The following ZDHHC14 variants were observed in gnomAD, a reference collection of about 807,000 sequenced individuals.
ZDHHC14 encodes the protein palmitoyltransferase ZDHHC14.
ZDHHC14 carries 16 observed loss-of-function variants against 47.7 expected under a neutral mutation model. The ratio of observed to expected loss-of-function variants is 0.34; its 90% CI spans 0.23 to 0.51. The LOEUF (loss-of-function observed/expected upper bound fraction) is 0.51, where lower values mean the gene tolerates loss of function less well. Among genes scored for constraint, ZDHHC14 ranks in the 20% least tolerant of loss-of-function variants. The probability of loss-of-function intolerance (pLI) is 0.97; values close to 1 mark genes in which losing one functional copy is unlikely to be tolerated. For synonymous variants in ZDHHC14, 293 were observed against 278.9 expected (o/e 1.05, Z -0.50); for missense variants, 515 against 662.5 (o/e 0.78, Z 2.44).
rs1426706954 is a variant in ZDHHC14 at position 157,502,127 on chromosome 6, T to G, written c.246-40458T>G. 1.3e-5 allele frequency among the ~76,000 whole-genome samples: 2 copies of G among 152,234 alleles called. No individual in the cohort carries two copies. The highest frequency in any genetic ancestry group is 2.9e-5 in the Non-Finnish European group (2 of 68,044). ...TTAATTGAATCTCAGAGACAGTAGA[T>G]GTCTTTCTCAGGGCCCACAGGAGTA... On this transcript the variant is annotated intron_variant, in intron 1 of 8. Transcript: ENST00000359775. The surrounding 1 kb of genome is among the most constrained non-coding windows in gnomAD (Gnocchi z 4.0).
intron 3 of ZDHHC14, among the ~76,000 whole-genome samples, chr6:157,616,740 G>A (rs922628671): frequency 6.6e-6 from 1 of 152,192 alleles, no homozygotes; most frequent in Non-Finnish European, 1.5e-5. Context: ...TCCGGGTGCA[G>A]GGACAGTGTG....
intron 2 of ZDHHC14, among the ~76,000 whole-genome samples, chr6:157,587,289 C>T (rs764414936): frequency 3.3e-4 from 50 of 152,212 alleles, no homozygotes; most frequent in Admixed American, 7.2e-4. Flanking sequence ...CTGACCTTAT[C>T]TTTGATGGAT....
At chr6:157,575,987 T>A (rs1178057275) in intron 2 of ZDHHC14, among the ~76,000 whole-genome samples, 1 of 152,188 alleles carries the variant, frequency 6.6e-6, no homozygotes, top group Non-Finnish European at 1.5e-5. Flanking sequence ...AACCCTTCCA[T>A]GTTCCTCGCT....
intron 2 of ZDHHC14, among the ~76,000 whole-genome samples, chr6:157,580,370 C>A (rs1783468022): frequency 6.6e-6 from 1 of 151,906 alleles, no homozygotes; most frequent in African/African-American, 2.4e-5. Flanking sequence ...TTTTTTGTTG[C>A]ATCTCTGCCT....
intron 2 of ZDHHC14, among the ~76,000 whole-genome samples, chr6:157,561,089 G>A (rs149098170): frequency 6.6e-6 from 1 of 152,218 alleles, no homozygotes; most frequent in Admixed American, 6.5e-5. Context: ...CAGAGCGTGG[G>A]GGTGTTAGCT....
At chr6:157,410,631 C>T (rs996771907) in intron 1 of ZDHHC14, among the ~76,000 whole-genome samples, 1 of 152,182 alleles carries the variant, frequency 6.6e-6, no homozygotes, top group African/African-American at 2.4e-5. Flanking sequence ...AAGGTTGTGG[C>T]AGATGAAGGA....
intron 1 of ZDHHC14, among the ~76,000 whole-genome samples, chr6:157,520,651 A>C (rs1456348078): frequency 6.6e-6 from 1 of 152,234 alleles, no homozygotes; most frequent in Non-Finnish European, 1.5e-5. Flanking sequence ...CTTCTTAATG[A>C]ATGTATAAAT....
chr6:157,480,009 C>T (rs771654965), intron 1 of ZDHHC14, among the ~76,000 whole-genome samples: 11 of 152,120 alleles, frequency 7.2e-5, no homozygotes, highest in Non-Finnish European at 1.6e-4. Flanking sequence ...GCTTGGTTTG[C>T]AGGCACATTG....
At chr6:157,570,597 A>G (rs1157272509) in intron 2 of ZDHHC14, among the ~76,000 whole-genome samples, 1 of 152,224 alleles carries the variant, frequency 6.6e-6, no homozygotes, top group Non-Finnish European at 1.5e-5. Context: ...CCATGTGGAA[A>G]AAAATAGTAT....
At chr6:157,413,658 G>A (rs1777915090) in intron 1 of ZDHHC14, among the ~76,000 whole-genome samples, 1 of 150,990 alleles carries the variant, frequency 6.6e-6, no homozygotes, top group Admixed American at 6.6e-5. Flanking sequence ...GGCTGGATGT[G>A]TGGGAGCTTT....
At chr6:157,533,377 C>T (rs1371414114) in intron 1 of ZDHHC14, among the ~76,000 whole-genome samples, 11 of 152,144 alleles carry the variant, frequency 7.2e-5, no homozygotes, top group East Asian at 3.9e-4. Flanking sequence ...TTGGTGGAGA[C>T]GGGATGGCTG....
intron 2 of ZDHHC14, among the ~76,000 whole-genome samples, chr6:157,552,333 G>A (rs553548561): frequency 3.2e-4 from 48 of 152,124 alleles, no homozygotes; most frequent in African/African-American, 1.0e-3. Flanking sequence ...ATGCAGAGTC[G>A]GCAGGGCAGG....
intron 2 of ZDHHC14, 97 bp from the exon 3 acceptor site, chr6:157,592,891 G>A: frequency 6.7e-7 from 1 of 1,500,996 alleles, no homozygotes; most frequent in Non-Finnish European, 8.9e-7. Context: ...CAGCCGCTGT[G>A]CCTGCTGCCC....
At chr6:157,662,798 A>G (rs561376643) in intron 8 of ZDHHC14, among the ~76,000 whole-genome samples, 7 of 152,368 alleles carry the variant, frequency 4.6e-5, no homozygotes, top group African/African-American at 1.7e-4. Flanking sequence ...GCAAGTGCCT[A>G]TGCACTTTTC....
At chr6:157,642,071 TATC>T (rs1171446257) in intron 5 of ZDHHC14, among the ~76,000 whole-genome samples, 1 of 152,050 alleles carries the variant, frequency 6.6e-6, no homozygotes, top group East Asian at 1.9e-4. Flanking sequence ...GATAGATAGT[TATC>T]ATGTTGGAAA....
At chr6:157,599,153 A>C (rs1161430495) in intron 3 of ZDHHC14, among the ~76,000 whole-genome samples, 1 of 152,260 alleles carries the variant, frequency 6.6e-6, no homozygotes, top group Non-Finnish European at 1.5e-5. Context: ...TACATTTTAA[A>C]CATGAGAAAT....
At chr6:157,668,220 C>G (rs954716175) in intron 8 of ZDHHC14, among the ~76,000 whole-genome samples, 3 of 152,178 alleles carry the variant, frequency 2.0e-5, no homozygotes, top group Non-Finnish European at 4.4e-5. Flanking sequence ...ACTACAAAAG[C>G]AGTCCCTCTA....
intron 5 of ZDHHC14, among the ~76,000 whole-genome samples, chr6:157,634,485 C>G (rs943376350): frequency 6.6e-6 from 1 of 152,216 alleles, no homozygotes; most frequent in Non-Finnish European, 1.5e-5. Flanking sequence ...CCTCTCTGTG[C>G]CCTTCTGTTT....
chr6:157,415,039 G>T lies in ZDHHC14; in HGVS notation c.245+32773G>T, dbSNP rs550187411. On this transcript the variant is annotated intron_variant, in intron 1 of 8. Transcript: ENST00000359775. ...AGGACTTAATGGACCACACTTCCTA[G>T]CGAGGACAGTGGGGGGATGTTGGCA... is the stretch of plus-strand genomic sequence containing the variant. Among the ~76,000 whole-genome samples, 11 of 152,152 alleles carry T rather than the reference G, an allele frequency of 7.2e-5. No homozygotes were observed. In the South Asian group the frequency reaches 2.1e-3, roughly 29 times the overall value.
Sources: allele counts gnomAD v4.1 joint callset (sites outside exome capture counted in the v4.1 genomes callset), GRCh38; gene constraint gnomAD v4.1.1; non-coding constraint Gnocchi (gnomAD v3.1); transcripts MANE v1.5; gene names NCBI Gene and HGNC (gene_info 2026-07-23, HGNC 2026-07-21).